Variants in DPP6 observed in about 807,000 individuals in gnomAD.
DPP6 encodes the protein dipeptidyl peptidase like 6, also known as A-type potassium channel modulatory protein DPP6.
A neutral mutation model predicts 122.6 loss-of-function variants in DPP6; 69 were observed. That is an observed-to-expected ratio of 0.56 (90% CI 0.46 to 0.69). DPP6 has a LOEUF of 0.69. DPP6 is among the 30% of genes least tolerant of loss of function. The pLI, the probability that DPP6 is intolerant of heterozygous loss-of-function variation, is 0.00. For synonymous variants in DPP6, 418 were observed against 433.1 expected, an observed-to-expected ratio of 0.97 and a Z score of 0.43; for missense variants, 928 against 1,116.9, an observed-to-expected ratio of 0.83 and a Z score of 2.41.
At chr7:154,672,900 C>A (rs1399026391) in intron 7 of DPP6, among the ~76,000 whole-genome samples, 1 of 152,166 alleles carries the variant, frequency 6.6e-6, no homozygotes, top group African/African-American at 2.4e-5. Context: ...ACAGTATAGA[C>A]AAGATGGGCA....
chr7:154,173,438 AG>A (rs1797636859), intron 1 of DPP6, among the ~76,000 whole-genome samples: 1 of 152,180 alleles, frequency 6.6e-6, no homozygotes, highest in Non-Finnish European at 1.5e-5. Flanking sequence ...TGGAAGTAAA[AG>A]GCAGCCCCGG....
At chr7:153,892,467 C>A (rs1799244156) in intron 1 of DPP6, among the ~76,000 whole-genome samples, 1 of 152,144 alleles carries the variant, frequency 6.6e-6, no homozygotes, top group Non-Finnish European at 1.5e-5. Context: ...GCATGTGCCA[C>A]CACACCCAGT....
chr7:154,253,533 C>G (rs896500562), intron 1 of DPP6, among the ~76,000 whole-genome samples: 7 of 152,134 alleles, frequency 4.6e-5, no homozygotes, highest in African/African-American at 1.7e-4. Flanking sequence ...AATGACTTGA[C>G]TAGACGTGAT....
At chr7:153,755,836 T>C in the DPP6 span, among the ~76,000 whole-genome samples, 7,917 of 152,278 alleles carry the variant, frequency 0.052, 246 homozygotes, top group African/African-American at 0.072. Flanking sequence ...TCAGTCTCTT[T>C]TTTATTTTCT....
chr7:154,443,428 C>A (rs1301421085), intron 1 of DPP6, among the ~76,000 whole-genome samples: 1 of 152,198 alleles, frequency 6.6e-6, no homozygotes, highest in Admixed American at 6.5e-5. Context: ...TTCTTGTATT[C>A]AAGGTTCTCA....
chr7:153,825,742 G>A, the DPP6 span, among the ~76,000 whole-genome samples: 8 of 152,152 alleles, frequency 5.3e-5, no homozygotes, highest in South Asian at 1.0e-3. Context: ...TGTATTTTTA[G>A]TAGAAACGAG....
At chr7:154,797,224 G>A (rs1798099216) in intron 12 of DPP6, among the ~76,000 whole-genome samples, 2 of 152,136 alleles carry the variant, frequency 1.3e-5, no homozygotes, top group African/African-American at 2.4e-5. Context: ...CTAGGCTGTG[G>A]ATTTCAAAAA....
At chr7:154,267,457 A>T (rs1803496516) in intron 1 of DPP6, among the ~76,000 whole-genome samples, 1 of 147,690 alleles carries the variant, frequency 6.8e-6, no homozygotes, top group African/African-American at 2.5e-5. Flanking sequence ...TAATGTGTGT[A>T]TATATTTATC....
At chr7:153,897,588 C>G (rs1267652523) in intron 1 of DPP6, among the ~76,000 whole-genome samples, 1 of 152,218 alleles carries the variant, frequency 6.6e-6, no homozygotes, top group East Asian at 1.9e-4. Context: ...CAAGTAAGTT[C>G]CAACAGTTGC....
In DPP6 at chr7:154,014,685, GA is replaced by G. The variant is rs894956032; in HGVS notation, c.51+126960del. On this transcript the variant is annotated intron_variant, in intron 1 of 25. Coordinates refer to the DPP6 transcript ENST00000404039. ...TCAAAAAAAAAGAAGAAAGAAAAAA[GA>G]AAAAAAAATCATGGGCTAGCTACTC... Among the ~76,000 whole-genome samples, 223 of 151,112 alleles carry G rather than the reference GA, an allele frequency of 1.5e-3. 1 individual carries two copies. Among genetic ancestry groups the G allele is most frequent in the African/African-American group, 5.3e-3 (218 of 41,192 alleles).
In DPP6 at chr7:154,297,063, G is replaced by GTTTTTTTTTTTT. The variant is rs34506058; in HGVS notation, c.244-149149_244-149138dup. Among the ~76,000 whole-genome samples, 5 of 125,256 alleles carry GTTTTTTTTTTTT rather than the reference G, an allele frequency of 4.0e-5. 1 individual carries two copies. The highest frequency in any genetic ancestry group is 4.8e-5 in the Non-Finnish European group (3 of 62,626). The allele number at this position is 125,256 out of a possible 152,430, so 82.2% of individuals were successfully genotyped here. Reference sequence around the variant, plus strand: ...CTAGGTTGATTGTGAAATGTATTCTGTTTTTTTTTTTTTGTTTTGTTTTTC... The same window carrying GTTTTTTTTTTTT: ...CTAGGTTGATTGTGAAATGTATTCTGTTTTTTTTTTTTTTTTTTTTTTTTTGTTTTGTTTTTC... On this transcript the variant is annotated intron_variant, in intron 1 of 25. Transcript: ENST00000377770.
chr7:154,468,068 C>T (rs1821943754), intron 2 of DPP6, among the ~76,000 whole-genome samples: 1 of 152,184 alleles, frequency 6.6e-6, no homozygotes, highest in Non-Finnish European at 1.5e-5. Context: ...AATAACCAGT[C>T]AGTGCATGAA....
chr7:154,247,119 C>G (rs1802031073), intron 1 of DPP6, among the ~76,000 whole-genome samples: 1 of 152,146 alleles, frequency 6.6e-6, no homozygotes, highest in Non-Finnish European at 1.5e-5. Context: ...TTGAGACCAG[C>G]CTGGCCAACA....
chr7:154,495,452 G>A (rs149665447), intron 3 of DPP6, among the ~76,000 whole-genome samples: 3 of 151,296 alleles, frequency 2.0e-5, no homozygotes, highest in African/African-American at 7.3e-5. Flanking sequence ...CCAGGCTAAA[G>A]TGCAGTGGCT....
Position 154,663,663 on chromosome 7 carries a change from G to A in DPP6, c.681-5697G>A, listed in dbSNP as rs1185128104. On this transcript the variant is annotated intron_variant, in intron 6 of 25. Coordinates refer to ENST00000377770, the MANE Select transcript of DPP6 (RefSeq NM_130797.4). ...ATCACCATGGCATATTGGCCATAGCGTTCATATAGTCATGGTGAATCACCA... is the reference window on the plus strand; with the variant it reads ...ATCACCATGGCATATTGGCCATAGCATTCATATAGTCATGGTGAATCACCA... Among the ~76,000 whole-genome samples the A allele has an allele frequency of 2.1e-4, 10 of 48,276 alleles. 1 individual carries two copies. Among genetic ancestry groups the A allele is most frequent in the African/African-American group, 4.0e-4 (10 of 25,190 alleles). The allele number at this position is 48,276 out of a possible 152,430, so 31.7% of individuals were successfully genotyped here.
chr7:154,778,951 GCTCTAC>G (rs1796787222), intron 10 of DPP6, among the ~76,000 whole-genome samples: 1 of 33,512 alleles, frequency 3.0e-5, no homozygotes, highest in Admixed American at 3.9e-4. Context: ...TCCACCACCA[GCTCTAC>G]CATCACCTCC....
At chr7:154,623,297 C>T (rs376037475) in intron 5 of DPP6, among the ~76,000 whole-genome samples, 1 of 152,090 alleles carries the variant, frequency 6.6e-6, no homozygotes, top group African/African-American at 2.4e-5. Flanking sequence ...GAATATTTCT[C>T]TTTATATCTG....
chr7:154,520,213 A>G (rs115166329), intron 3 of DPP6, among the ~76,000 whole-genome samples: 1,782 of 152,342 alleles, frequency 0.012, 33 homozygotes, highest in African/African-American at 0.04. Flanking sequence ...TGTCTCTCAA[A>G]TTTATTTATT....
chr7:154,248,366 A>C (rs1802126046), intron 1 of DPP6, among the ~76,000 whole-genome samples: 1 of 152,188 alleles, frequency 6.6e-6, no homozygotes, highest in Admixed American at 6.5e-5. Flanking sequence ...GAAGCCAGGC[A>C]AAAAGGACGT....
Sources: allele counts gnomAD v4.1 joint callset (sites outside exome capture counted in the v4.1 genomes callset), GRCh38; gene constraint gnomAD v4.1.1; transcripts MANE v1.5; gene names NCBI Gene and HGNC (gene_info 2026-07-23, HGNC 2026-07-21).